TCERG1L: variants seen among roughly 807,000 people sequenced by gnomAD.
TCERG1L encodes the protein transcription elongation regulator 1-like protein.
A neutral mutation model predicts 56.3 loss-of-function variants in TCERG1L; 37 were observed. That is an observed-to-expected ratio of 0.66 (90% confidence interval 0.51 to 0.87). TCERG1L has a LOEUF of 0.87. Ranked by LOEUF, TCERG1L falls within the 40% of genes least tolerant of loss-of-function variation. TCERG1L has a pLI of 0.00. For missense variants in TCERG1L, 799 were observed against 774.2 expected, an observed-to-expected ratio of 1.03 and a Z score of -0.38; for synonymous variants, 324 against 326.3, an observed-to-expected ratio of 0.99 and a Z score of 0.08.
chr10:131,131,652 A>G (rs748568658), intron 8 of TCERG1L, among the ~76,000 whole-genome samples: 1 of 152,206 alleles, frequency 6.6e-6, no homozygotes, highest in Non-Finnish European at 1.5e-5. Context: ...ATTTAATTCC[A>G]TCTGTGCATG....
chr10:131,145,095 G>A (rs1042672541), intron 7 of TCERG1L, among the ~76,000 whole-genome samples: 2 of 152,210 alleles, frequency 1.3e-5, no homozygotes, highest in African/African-American at 2.4e-5. Flanking sequence ...CTACAAGAAC[G>A]CAAGCTAAAG....
intron 3 of TCERG1L, among the ~76,000 whole-genome samples, chr10:131,287,568 T>G (rs111916773): frequency 0.015 from 2,359 of 152,296 alleles, 30 homozygotes; most frequent in Non-Finnish European, 0.026. Flanking sequence ...AAATGGCACC[T>G]TGAAGTACAG....
chr10:131,094,972 C>A (rs1483135923), intron 11 of TCERG1L, among the ~76,000 whole-genome samples: 4 of 152,234 alleles, frequency 2.6e-5, no homozygotes, highest in African/African-American at 9.6e-5. Context: ...GGGAGCCTCC[C>A]GCTTCCGTGG....
chr10:131,215,801 A>G (rs538534105), intron 4 of TCERG1L, among the ~76,000 whole-genome samples: 2 of 152,368 alleles, frequency 1.3e-5, no homozygotes, highest in African/African-American at 4.8e-5. Flanking sequence ...GTGTCCACAG[A>G]GAAGGACAAA....
chr10:131,168,677 G>T (rs146003019), intron 4 of TCERG1L, among the ~76,000 whole-genome samples: 2 of 152,178 alleles, frequency 1.3e-5, no homozygotes, highest in Non-Finnish European at 2.9e-5. Context: ...TCTGCACAGC[G>T]CCCTGCCGGG....
At chr10:131,168,133 G>A (rs141339107) in intron 4 of TCERG1L, among the ~76,000 whole-genome samples, 324 of 152,296 alleles carry the variant, frequency 2.1e-3, no homozygotes, top group African/African-American at 7.2e-3. Flanking sequence ...GGGAATTAAC[G>A]TAAATCACTT....
intron 4 of TCERG1L, among the ~76,000 whole-genome samples, chr10:131,176,744 G>C (rs563808444): frequency 1.0e-4 from 10 of 97,144 alleles, no homozygotes; most frequent in Admixed American, 7.3e-4. Flanking sequence ...AGAGGCACGT[G>C]CACACACACC....
chr10:131,228,083 C>T (rs1364000253), intron 4 of TCERG1L, among the ~76,000 whole-genome samples: 6 of 152,008 alleles, frequency 3.9e-5, no homozygotes, highest in Non-Finnish European at 5.9e-5. Flanking sequence ...TCTGGACCTC[C>T]GAGCCCCTGA....
At chr10:131,110,015 A>T (rs930389297) in intron 9 of TCERG1L, among the ~76,000 whole-genome samples, 4 of 152,228 alleles carry the variant, frequency 2.6e-5, no homozygotes, top group African/African-American at 9.6e-5. Context: ...CCTTGACTGC[A>T]GGTCGCGTGT....
intron 7 of TCERG1L, among the ~76,000 whole-genome samples, chr10:131,145,076 C>T (rs182336559): frequency 2.4e-4 from 37 of 152,320 alleles, no homozygotes; most frequent in Admixed American, 7.8e-4. Flanking sequence ...TGAAACAGCA[C>T]CAAATTATCT....
At chr10:131,289,052 A>C (rs1846577854) in intron 3 of TCERG1L, among the ~76,000 whole-genome samples, 1 of 152,224 alleles carries the variant, frequency 6.6e-6, no homozygotes, top group East Asian at 1.9e-4. Flanking sequence ...AGGGTTACAG[A>C]ATTATTAAAA....
intron 7 of TCERG1L, among the ~76,000 whole-genome samples, chr10:131,137,677 G>A (rs1290573422): frequency 6.6e-6 from 1 of 152,218 alleles, no homozygotes; most frequent in Non-Finnish European, 1.5e-5. Context: ...ATTATTTAAA[G>A]TACATGTGTA....
intron 4 of TCERG1L, among the ~76,000 whole-genome samples, chr10:131,231,189 G>C (rs1364829994): frequency 6.6e-6 from 1 of 152,206 alleles, no homozygotes; most frequent in Non-Finnish European, 1.5e-5. Context: ...CCCGAGGGCT[G>C]CCACTCTGAC....
At position 131,156,515 on chromosome 10, in the gene TCERG1L, T is replaced by C. The variant is rs376586984; in HGVS notation, c.1034+6607A>G. On this transcript the variant is annotated intron_variant, in intron 6 of 11. Coordinates refer to ENST00000368642, the MANE Select transcript of TCERG1L (RefSeq NM_174937.4). ...CTTACACTAAGGGAGGAGACCACCC[T>C]TCATACTGTCTTATGCCCAATTTCT... is the stretch of plus-strand genomic sequence containing the variant. Among the ~76,000 whole-genome samples, 365 of 152,196 alleles carry C rather than the reference T, an allele frequency of 2.4e-3. 2 individuals carry two copies. The South Asian group carries it at 0.028, about 12-fold the overall frequency.
chr10:131,259,097 A>T (rs942129421), intron 4 of TCERG1L, among the ~76,000 whole-genome samples: 2 of 152,218 alleles, frequency 1.3e-5, no homozygotes, highest in Non-Finnish European at 1.5e-5. Flanking sequence ...CCGACTTATC[A>T]ACTAATTCAT....
chr10:131,257,186 C>G (rs937298375), intron 4 of TCERG1L, among the ~76,000 whole-genome samples: 2 of 152,042 alleles, frequency 1.3e-5, no homozygotes, highest in Admixed American at 6.5e-5. Flanking sequence ...GCAGGCAGGG[C>G]GGGGATGGAA....
At position 131,304,016 on chromosome 10, in the gene TCERG1L, C is replaced by A. The variant is rs867777796; in HGVS notation, c.670+4195G>T. Reference sequence around the variant, plus strand: ...AGCAGAATACTCCAGATGCCCTCATCTTCCACTTTCTCTCCCTGTCTCTCT... The same window carrying A: ...AGCAGAATACTCCAGATGCCCTCATATTCCACTTTCTCTCCCTGTCTCTCT... On this transcript the variant is annotated intron_variant, in intron 3 of 11. Coordinates refer to ENST00000368642, the MANE Select transcript of TCERG1L (RefSeq NM_174937.4). Among the ~76,000 whole-genome samples the A allele has an allele frequency of 2.6e-5, 4 of 152,148 alleles. No individual in the cohort carries two copies. The Middle Eastern group carries it at 0.01, about 388-fold the overall frequency.
intron 7 of TCERG1L, among the ~76,000 whole-genome samples, chr10:131,141,281 T>G (rs1845736251): frequency 6.6e-6 from 1 of 152,132 alleles, no homozygotes; most frequent in Non-Finnish European, 1.5e-5. Flanking sequence ...CCATCCTCCA[T>G]CCCTCTCAGC....
rs140245352 is a variant in TCERG1L, at chr10:131,262,569, G to A, written c.671-2125C>T. On this transcript the variant is annotated intron_variant, in intron 3 of 11. Transcript: ENST00000368642. Reference sequence around the variant, plus strand: ...TAGAAAGTAGAGAGAGTTCCCTAATGGATGCCTCCACTCCCCTCATTGTGA... The same window carrying A: ...TAGAAAGTAGAGAGAGTTCCCTAATAGATGCCTCCACTCCCCTCATTGTGA... Among the ~76,000 whole-genome samples, 50 of 152,264 alleles carry A rather than the reference G, an allele frequency of 3.3e-4. 1 individual carries two copies. In the East Asian group the frequency reaches 7.4e-3, roughly 22 times the overall value.
Sources: allele counts gnomAD v4.1 joint callset (sites outside exome capture counted in the v4.1 genomes callset), GRCh38; gene constraint gnomAD v4.1.1; transcripts MANE v1.5; gene names NCBI Gene and HGNC (gene_info 2026-07-23, HGNC 2026-07-21).